The following USP22 variants were observed in gnomAD, a reference collection of about 807,000 sequenced individuals.
USP22 encodes the protein ubiquitin carboxyl-terminal hydrolase 22.
In USP22, 22 loss-of-function variants were observed where a neutral mutation model predicts 68.1. That is an observed-to-expected ratio of 0.32 (90% CI 0.23 to 0.46). The LOEUF is 0.46. USP22 is among the 20% of genes least tolerant of loss of function. The probability of loss-of-function intolerance (pLI) is 1.00; values close to 1 mark genes in which losing one functional copy is unlikely to be tolerated. For synonymous variants in USP22, 279 were observed against 274.2 expected, an observed-to-expected ratio of 1.02 and a Z score of -0.17; for missense variants, 433 against 695.8, an observed-to-expected ratio of 0.62 and a Z score of 4.25.
intron 6 of USP22, 46 bp downstream of exon 6, chr17:21,015,706 A>C: frequency 6.4e-7 from 1 of 1,563,984 alleles, no homozygotes; most frequent in Non-Finnish European, 8.7e-7. Flanking sequence ...TTCCCCTTCA[A>C]GGAAAACATC....
intron 7 of USP22, 141 bp from the exon 8 acceptor site, chr17:21,011,450 C>T (rs1215062593): frequency 2.7e-6 from 3 of 1,128,934 alleles, no homozygotes; most frequent in Middle Eastern, 2.1e-4. Flanking sequence ...GGGGCAGGAG[C>T]AAGAGCAGCA....
At chr17:21,035,428 G>A (rs887246812) in intron 1 of USP22, among the ~76,000 whole-genome samples, 1 of 151,760 alleles carries the variant, frequency 6.6e-6, no homozygotes, top group African/African-American at 2.4e-5. Context: ...GCTTCCATCC[G>A]CTTAATACCA....
intron 12 of USP22, 31 bp downstream of exon 12, chr17:21,004,171 T>TAGGGCCTTCCTCCCACCCC (rs763147952): frequency 2.6e-5 from 42 of 1,609,732 alleles, no homozygotes; most frequent in Non-Finnish European, 1.7e-6. Context: ...GTAGCCACCG[T>TAGGGCCTTCCTCCCACCCC]AGGGCCTTCC....
Position 21,015,798 on chromosome 17 carries a change from G to A in USP22, c.792C>T (p.His264=), listed in dbSNP as rs778578579. The A allele has an allele frequency of 1.1e-5, 18 of 1,613,842 alleles. No individual in the cohort carries two copies. Among genetic ancestry groups the A allele is most frequent in the African/African-American group, 6.7e-5 (5 of 74,932 alleles). ...HLAGYEQQDA[H]EFLIAALDVL... is the part of the protein sequence containing the mutation. ...CGTCCAGGGCCGCGATGAGGAACTCGTGGGCGTCCTGCTGCTCGTAGCCTG... is the reference window on the plus strand; with the variant it reads ...CGTCCAGGGCCGCGATGAGGAACTCATGGGCGTCCTGCTGCTCGTAGCCTG... Residue 264 remains histidine, a synonymous_variant, in exon 6 of 13, where the codon CAC becomes CAT. Transcript: ENST00000261497.
At position 21,042,947 on chromosome 17, in the gene USP22, C is replaced by A; in HGVS notation, c.-112G>T. On this transcript the variant is annotated 5_prime_UTR_variant, in exon 1 of 13. Transcript: ENST00000261497. ...GGCCAGGCTGGCCAAGGCCCGGGCG[C>A]CGAGAACAAAGCGCGGAGGCCGGAC... The A allele has an allele frequency of 3.0e-6, 2 of 676,440 alleles. No individual in the cohort carries two copies. Among genetic ancestry groups the A allele is most frequent in the Non-Finnish European group, 4.0e-6 (2 of 494,344 alleles). The allele number at this position is 676,440 out of a possible 1,614,324, so 41.9% of individuals were successfully genotyped here.
At chr17:21,004,602 G>T (rs951274633) in intron 11 of USP22, among the ~76,000 whole-genome samples, 5 of 152,152 alleles carry the variant, frequency 3.3e-5, no homozygotes, top group Admixed American at 2.0e-4. Context: ...AGTCAGCAGT[G>T]GGGATCCTGG....
At chr17:21,024,612 A>AGT (rs1972197945) in intron 2 of USP22, among the ~76,000 whole-genome samples, 1 of 152,240 alleles carries the variant, frequency 6.6e-6, no homozygotes, top group Non-Finnish European at 1.5e-5. Context: ...GCAAGTCTTC[A>AGT]TGACCTCGGA....
Position 21,003,665 on chromosome 17 carries a change from G to A in USP22, c.1535+537C>T, listed in dbSNP as rs550370453. Among the ~76,000 whole-genome samples, 17 of 152,284 alleles carry A rather than the reference G, an allele frequency of 1.1e-4. No homozygotes were observed. In the East Asian group the frequency reaches 3.1e-3, roughly 28 times the overall value. On this transcript the variant is annotated intron_variant, in intron 12 of 12. Transcript: ENST00000261497. ...GCCTGTAATTCTAACACTTTGGGAGGCCAAGGCAGGAGGATTGCCTGAAGT... is the reference window on the plus strand; with the variant it reads ...GCCTGTAATTCTAACACTTTGGGAGACCAAGGCAGGAGGATTGCCTGAAGT...
intron 1 of USP22, among the ~76,000 whole-genome samples, chr17:21,035,262 T>C (rs1467150466): frequency 6.6e-6 from 1 of 152,180 alleles, no homozygotes; most frequent in African/African-American, 2.4e-5. Context: ...TAACATATAA[T>C]AATAAAACTC....
chr17:21,022,416 G>C (rs1972167897), intron 2 of USP22, among the ~76,000 whole-genome samples: 1 of 152,150 alleles, frequency 6.6e-6, no homozygotes, highest in African/African-American at 2.4e-5. Context: ...CTAATAGTTT[G>C]GGCTCTTAAT....
chr17:21,039,805 A>G (rs1207969633), intron 1 of USP22, among the ~76,000 whole-genome samples: 1 of 152,236 alleles, frequency 6.6e-6, no homozygotes, highest in Non-Finnish European at 1.5e-5. Flanking sequence ...CAAAGATTAT[A>G]ATTCAAGTTG....
At chr17:21,019,242 G>A (rs1972124769) in intron 3 of USP22, 57 bp from the exon 4 acceptor site, 1 of 1,544,320 alleles carries the variant, frequency 6.5e-7, no homozygotes, top group East Asian at 2.3e-5. Flanking sequence ...CATCAAGTGT[G>A]TTTACACATA....
intron 2 of USP22, among the ~76,000 whole-genome samples, chr17:21,026,947 G>A (rs1024791785): frequency 7.2e-5 from 11 of 151,964 alleles, no homozygotes; most frequent in Admixed American, 2.6e-4. Context: ...GACTGCAGGC[G>A]TGCGCCACAG....
rs1010571739 is a variant in USP22, at chr17:21,011,792, T to C, written c.945-483A>G. Among the ~76,000 whole-genome samples, 11 of 152,274 alleles carry C rather than the reference T, an allele frequency of 7.2e-5. 1 individual carries two copies. Among genetic ancestry groups the C allele is most frequent in the South Asian group, 4.2e-4 (2 of 4,818 alleles). Reference sequence around the variant, plus strand: ...CACAAGGCCAGTTCCTTGCTAGAAATTTATTTAACAATATAAAAAATGAAA... The same window carrying C: ...CACAAGGCCAGTTCCTTGCTAGAAACTTATTTAACAATATAAAAAATGAAA... On this transcript the variant is annotated intron_variant, in intron 7 of 12. Coordinates refer to ENST00000261497, the MANE Select transcript of USP22 (RefSeq NM_015276.2).
intron 1 of USP22, among the ~76,000 whole-genome samples, chr17:21,036,841 G>A (rs1327615260): frequency 6.6e-6 from 1 of 152,084 alleles, no homozygotes; most frequent in Non-Finnish European, 1.5e-5. Context: ...CCCTTGAGGG[G>A]GCCAAGAAGC....
chr17:21,011,908 C>T (rs1369375146), intron 7 of USP22, among the ~76,000 whole-genome samples: 1 of 152,190 alleles, frequency 6.6e-6, no homozygotes, highest in Non-Finnish European at 1.5e-5. Flanking sequence ...AGTTAAGGGA[C>T]AGCGAGGAGG....
At chr17:21,026,803 A>ATT (rs576927345) in intron 2 of USP22, among the ~76,000 whole-genome samples, 269 of 142,650 alleles carry the variant, frequency 1.9e-3, no homozygotes, top group Non-Finnish European at 2.9e-3. Flanking sequence ...TGTCTCCACA[A>ATT]TTTTTTTTTT....
chr17:21,023,490 C>T (rs1972181887), intron 2 of USP22, among the ~76,000 whole-genome samples: 1 of 151,826 alleles, frequency 6.6e-6, no homozygotes, highest in Non-Finnish European at 1.5e-5. Flanking sequence ...CCCATCTCTA[C>T]AAAAATTAGC....
chr17:21,038,959 T>C (rs1224007110), intron 1 of USP22, among the ~76,000 whole-genome samples: 1 of 152,066 alleles, frequency 6.6e-6, no homozygotes, highest in Non-Finnish European at 1.5e-5. Flanking sequence ...AAATAGTTTT[T>C]TTCTTTTTTT....
Sources: allele counts gnomAD v4.1 joint callset (sites outside exome capture counted in the v4.1 genomes callset), GRCh38; gene constraint gnomAD v4.1.1; transcripts MANE v1.5; gene names NCBI Gene and HGNC (gene_info 2026-07-23, HGNC 2026-07-21).